The following TTYH1 variants were observed in gnomAD, a reference collection of about 807,000 sequenced individuals.
TTYH1 encodes the protein tweety family member 1, also known as protein tweety homolog 1.
Under a neutral mutation model 61.2 loss-of-function variants are expected in TTYH1, and 33 were observed. That is an observed-to-expected ratio of 0.54 (90% CI 0.41 to 0.72). The LOEUF is 0.72. Ranked by LOEUF, TTYH1 falls within the 30% of genes least tolerant of loss-of-function variation. The pLI, the probability that TTYH1 is intolerant of heterozygous loss-of-function variation, is 0.00. For missense variants in TTYH1, 538 were observed against 575.8 expected (o/e 0.93, Z 0.67); for synonymous variants, 308 against 266.4 (o/e 1.16, Z -1.52).
At chr19:54,433,616 C>T (rs941848451) in intron 10 of TTYH1, 4 of 150,806 alleles carry the variant, frequency 2.7e-5, no homozygotes, top group Non-Finnish European at 5.9e-5. Flanking sequence ...GCCTATAAAC[C>T]CAGCACTTTG....
At chr19:54,435,954 G>T in intron 12 of TTYH1, 81 bp downstream of exon 12, 1 of 1,591,674 alleles carries the variant, frequency 6.3e-7, no homozygotes, top group Middle Eastern at 1.7e-4. Flanking sequence ...CTGAGGGCCT[G>T]GCCGCCTGGG....
chr19:54,421,062 G>A lies in TTYH1; in HGVS notation c.306-215G>A, dbSNP rs1040275266. Among the ~76,000 whole-genome samples, 5 of 152,102 alleles carry A rather than the reference G, an allele frequency of 3.3e-5. No homozygotes were observed. The highest frequency in any genetic ancestry group is 1.9e-4 in the East Asian group (1 of 5,170). Reference sequence around the variant, plus strand: ...CACCCACCATTAACATCACAATGACGTCCCTCCGCTGGGGGAGTGAGGCCT... The same window carrying A: ...CACCCACCATTAACATCACAATGACATCCCTCCGCTGGGGGAGTGAGGCCT... On this transcript the variant is annotated intron_variant, in intron 2 of 13. Transcript: ENST00000376530. This position sits in a 1 kb window ranked among gnomAD's most constrained non-coding sequence, Gnocchi z 4.8.
chr19:54,427,049 A>G (rs1017365321), intron 5 of TTYH1, among the ~76,000 whole-genome samples: 1 of 152,028 alleles, frequency 6.6e-6, no homozygotes, highest in Non-Finnish European at 1.5e-5. Context: ...CTGTAATCCC[A>G]GCACTTTAGG....
rs2083170913 is a variant in TTYH1 at position 54,419,865 on chromosome 19, G to A, written c.305+559G>A. 6.6e-6 allele frequency among the ~76,000 whole-genome samples: 1 copy of A among 152,190 alleles called. No individual in the cohort carries two copies. Among genetic ancestry groups the A allele is most frequent in the African/African-American group, 2.4e-5 (1 of 41,444 alleles). On this transcript the variant is annotated intron_variant, in intron 2 of 13. Transcript: ENST00000376530. The surrounding 1 kb of genome is among the most constrained non-coding windows in gnomAD (Gnocchi z 6.1). ...GCAAGGAGCCCCTCGTGCAGCTTAT[G>A]TTCTAATCAGGGAGACGGACGATAA...
intron 4 of TTYH1, among the ~76,000 whole-genome samples, chr19:54,423,131 C>T (rs78060009): frequency 0.14 from 21,578 of 151,142 alleles, 1,731 homozygotes; most frequent in Middle Eastern, 0.23. Flanking sequence ...TCAGTTACTC[C>T]TGGACTAACC....
In TTYH1 at chr19:54,435,884, C is replaced by A. The variant is rs1264178649; in HGVS notation, c.1314+11C>A. ...CCTTTCAACCCTCAGGTACTGGATG[C>A]CTGGGTCTGAGGGAGGAGGGGCGGG... On this transcript the variant is annotated intron_variant, in intron 12 of 13. Coordinates refer to ENST00000376530, the MANE Select transcript of TTYH1 (RefSeq NM_020659.4). The A allele has an allele frequency of 1.2e-5, 19 of 1,612,482 alleles. No homozygotes were observed. Among genetic ancestry groups the A allele is most frequent in the Non-Finnish European group, 1.6e-5 (19 of 1,179,474 alleles).
chr19:54,416,351 GGCCGGTGTGGGAACCTCACAGAA>G lies in TTYH1; in HGVS notation c.126+682_126+704del, dbSNP rs1244953200. 1.6e-5 allele frequency: 4 copies of G among 256,412 alleles called. No homozygotes were observed. The highest frequency in any genetic ancestry group is 9.1e-5 in the African/African-American group (4 of 43,794). 15.9% of individuals were successfully genotyped at this position (256,412 alleles called of 1,614,324 possible). On this transcript the variant is annotated intron_variant, in intron 1 of 13. Transcript: ENST00000376530. The surrounding 1 kb of genome is among the most constrained non-coding windows in gnomAD (Gnocchi z 7.0). ...TGACAGACCCGGGTCCCGAGGGTGG[GGCCGGTGTGGGAACCTCACAGAA>G]GCCGGTGTCCCTGGGGAAGGGGCCC... is the stretch of plus-strand genomic sequence containing the variant.
Position 54,421,012 on chromosome 19 carries a change from G to A in TTYH1, c.306-265G>A, listed in dbSNP as rs958913448. Among the ~76,000 whole-genome samples, 7 of 152,130 alleles carry A rather than the reference G, an allele frequency of 4.6e-5. No homozygotes were observed. The highest frequency in any genetic ancestry group is 2.1e-4 in the South Asian group (1 of 4,830). On this transcript the variant is annotated intron_variant, in intron 2 of 13. Transcript: ENST00000376530. The surrounding 1 kb of genome is among the most constrained non-coding windows in gnomAD (Gnocchi z 4.8). Reference sequence around the variant, plus strand: ...GCTCCAGGGAGGTGCGAGTTAAATCGGGGGCTCCCTCCCCCCCACCACTCC... The same window carrying A: ...GCTCCAGGGAGGTGCGAGTTAAATCAGGGGCTCCCTCCCCCCCACCACTCC...
In TTYH1 at chr19:54,416,103, A is replaced by T; in HGVS notation, c.126+425A>T. ...CCAGATAAGGTGGGACCCAGGAGAC[A>T]GCGGACCTGATAACGGTGGCGGGGA... On this transcript the variant is annotated intron_variant, in intron 1 of 13. Coordinates refer to ENST00000376530, the MANE Select transcript of TTYH1 (RefSeq NM_020659.4). The surrounding 1 kb of genome is among the most constrained non-coding windows in gnomAD (Gnocchi z 7.0). 1 of 1,300,784 alleles carries T rather than the reference A, an allele frequency of 7.7e-7. No homozygotes were observed. The allele number at this position is 1,300,784 out of a possible 1,614,324, so 80.6% of individuals were successfully genotyped here. A position where few individuals can be genotyped will look rare whatever the true frequency, so the allele number is the denominator to read the frequency against.
Position 54,421,005 on chromosome 19 carries a change from T to C in TTYH1, c.306-272T>C, listed in dbSNP as rs1213180855. 3.3e-5 allele frequency among the ~76,000 whole-genome samples: 5 copies of C among 151,626 alleles called. No homozygotes were observed. Among genetic ancestry groups the C allele is most frequent in the Non-Finnish European group, 7.4e-5 (5 of 67,882 alleles). ...GGGTTCTGCTCCAGGGAGGTGCGAG[T>C]TAAATCGGGGGCTCCCTCCCCCCCA... On this transcript the variant is annotated intron_variant, in intron 2 of 13. Transcript: ENST00000376530. This position sits in a 1 kb window ranked among gnomAD's most constrained non-coding sequence, Gnocchi z 4.8.
At position 54,429,755 on chromosome 19, in the gene TTYH1, G is replaced by A. The variant is rs1204716001; in HGVS notation, c.808-127G>A. ...CTGGGGCCTGGACTCCTGAGTCTGA[G>A]GGAAGAGGGGCTGGGACCTGGACCC... is the stretch of plus-strand genomic sequence containing the variant. On this transcript the variant is annotated intron_variant, in intron 6 of 13. Transcript: ENST00000376530. The surrounding 1 kb of genome is among the most constrained non-coding windows in gnomAD (Gnocchi z 5.1). The A allele has an allele frequency of 1.3e-6, 1 of 792,872 alleles. No homozygotes were observed. The highest frequency in any genetic ancestry group is 2.1e-6 in the Non-Finnish European group (1 of 477,694). The allele number at this position is 792,872 out of a possible 1,614,324, so 49.1% of individuals were successfully genotyped here.
At chr19:54,417,796 A>G (rs2083119418) in intron 1 of TTYH1, among the ~76,000 whole-genome samples, 1 of 152,088 alleles carries the variant, frequency 6.6e-6, no homozygotes, top group South Asian at 2.1e-4. Flanking sequence ...ATCCACACAC[A>G]CACTCATCCA....
In TTYH1 at chr19:54,426,734, G is replaced by A. The variant is rs1337622842; in HGVS notation, c.700G>A (p.Gly234Ser). Residue 234 changes from glycine (G) to serine (S), a missense_variant, in exon 5 of 14, where the codon GGC (glycine) becomes AGC (serine). Physicochemically the swap from Gly to Ser is moderately conservative, Grantham distance 56 (BLOSUM62 0). Transcript: ENST00000376530. ...GCTGGTCTGCCTCTTCACCCTCCTG[G>A]GCCTGGCGAAGCAGAGCAAGTGGCT... ...ELLVCLFTLL[G>S]LAKQSKWLVI... 1.9e-6 allele frequency: 3 copies of A among 1,613,896 alleles called. No individual in the cohort carries two copies. The highest frequency in any genetic ancestry group is 2.7e-5 in the African/African-American group (2 of 74,898).
intron 9 of TTYH1, 28 bp downstream of exon 9, chr19:54,430,933 G>A: frequency 6.2e-7 from 1 of 1,606,840 alleles, no homozygotes; most frequent in African/African-American, 1.3e-5. Flanking sequence ...CCCCAGACAC[G>A]CGGACCCCAC....
Position 54,416,658 on chromosome 19 carries a change from C to T in TTYH1, c.126+980C>T. 1.0e-6 allele frequency: 1 copy of T among 982,884 alleles called. No homozygotes were observed. The allele number at this position is 982,884 out of a possible 1,614,324, so 60.9% of individuals were successfully genotyped here. A position where few individuals can be genotyped will look rare whatever the true frequency, so the allele number is the denominator to read the frequency against. On this transcript the variant is annotated intron_variant, in intron 1 of 13. Coordinates refer to ENST00000376530, the MANE Select transcript of TTYH1 (RefSeq NM_020659.4). This position sits in a 1 kb window ranked among gnomAD's most constrained non-coding sequence, Gnocchi z 7.0. Reference sequence around the variant, plus strand: ...GGGCGTGGAGGGGGTCCCAGAAAAGCGCGGAGGGGATGAGTGCTGTGTTCT... The same window carrying T: ...GGGCGTGGAGGGGGTCCCAGAAAAGTGCGGAGGGGATGAGTGCTGTGTTCT...
chr19:54,422,928 CAAAA>C (rs573699988), intron 4 of TTYH1, among the ~76,000 whole-genome samples: 3 of 85,374 alleles, frequency 3.5e-5, no homozygotes, highest in African/African-American at 1.7e-4. Flanking sequence ...GACTCCATCT[CAAAA>C]AAAAAAAAAA....
At position 54,431,123 on chromosome 19, in the gene TTYH1, A is replaced by G. The variant is rs1212390332; in HGVS notation, c.1057A>G (p.Thr353Ala). The G allele has an allele frequency of 4.3e-6, 7 of 1,613,340 alleles. No homozygotes were observed. Among genetic ancestry groups the G allele is most frequent in the South Asian group, 1.1e-5 (1 of 91,064 alleles). Reference protein sequence around the residue: ...AQKPLLSLEETLNVTEGNFHQ... With the variant: ...AQKPLLSLEEALNVTEGNFHQ... ...GAAGCCTCTGCTGTCCTTGGAGGAG[A>G]CTCTGAATGTGACAGAAGGAAATTT... Residue 353 changes from threonine to alanine, a missense_variant, in exon 10 of 14, where the codon ACT (threonine) becomes GCT (alanine). Coordinates refer to ENST00000376530, the MANE Select transcript of TTYH1 (RefSeq NM_020659.4).
intron 10 of TTYH1, chr19:54,433,721 A>AT (rs2083484727): frequency 1.3e-5 from 2 of 151,424 alleles, no homozygotes; most frequent in Admixed American, 1.3e-4. Context: ...TAAAAAAAAA[A>AT]AAATCAACAA....
rs1260321700 is a variant in TTYH1 at position 54,416,792 on chromosome 19, C to T, written c.126+1114C>T. 6 of 1,294,074 alleles carry T rather than the reference C, an allele frequency of 4.6e-6. No individual in the cohort carries two copies. Among genetic ancestry groups the T allele is most frequent in the Middle Eastern group, 4.3e-4 (2 of 4,696 alleles). The allele number at this position is 1,294,074 out of a possible 1,614,324, so 80.2% of individuals were successfully genotyped here. Reference sequence around the variant, plus strand: ...ACCGCCGTCCCCTCGCCCACAGCCTCGCGGTTACACAACGGCCACCTCCAA... The same window carrying T: ...ACCGCCGTCCCCTCGCCCACAGCCTTGCGGTTACACAACGGCCACCTCCAA... On this transcript the variant is annotated intron_variant, in intron 1 of 13. Transcript: ENST00000376530. The surrounding 1 kb of genome is among the most constrained non-coding windows in gnomAD (Gnocchi z 7.0).
Sources: allele counts gnomAD v4.1 joint callset (sites outside exome capture counted in the v4.1 genomes callset), GRCh38; gene constraint gnomAD v4.1.1; non-coding constraint Gnocchi (gnomAD v3.1); transcripts MANE v1.5; gene names NCBI Gene and HGNC (gene_info 2026-07-23, HGNC 2026-07-21).